AGBL4: variants seen among roughly 807,000 people sequenced by gnomAD.
The protein encoded by AGBL4 is cytosolic carboxypeptidase 6.
AGBL4 carries 58 observed loss-of-function variants against 66.4 expected under a neutral mutation model. That is an observed-to-expected ratio of 0.87 (90% CI 0.71 to 1.09). The LOEUF (loss-of-function observed/expected upper bound fraction) is 1.09. AGBL4 is among the 50% of genes least tolerant of loss of function. The pLI is 0.00. For missense variants in AGBL4, 579 were observed against 631.0 expected (o/e 0.92, Z 0.88); for synonymous variants, 234 against 222.9 (o/e 1.05, Z -0.44).
chr1:48,764,705 T>G (rs1237289432), intron 6 of AGBL4, among the ~76,000 whole-genome samples: 1 of 152,232 alleles, frequency 6.6e-6, no homozygotes, highest in Non-Finnish European at 1.5e-5. Flanking sequence ...AGGTGTGAGA[T>G]GTCAGGCAAG....
chr1:48,691,203 T>C (rs1260771382), intron 6 of AGBL4, among the ~76,000 whole-genome samples: 1 of 149,654 alleles, frequency 6.7e-6, no homozygotes, highest in African/African-American at 2.4e-5. Context: ...ATATATATAT[T>C]ACATATATAG....
chr1:48,707,888 A>T (rs1646905170), intron 6 of AGBL4, among the ~76,000 whole-genome samples: 1 of 152,118 alleles, frequency 6.6e-6, no homozygotes, highest in Non-Finnish European at 1.5e-5. Context: ...TGGCCCCTAT[A>T]AATATTTTAC....
intron 2 of AGBL4, among the ~76,000 whole-genome samples, chr1:49,825,140 TCTAA>T (rs1170625273): frequency 1.3e-5 from 2 of 152,234 alleles, no homozygotes; most frequent in African/African-American, 2.4e-5. Flanking sequence ...ACTGAATGGT[TCTAA>T]CTGACTCTAT....
intron 6 of AGBL4, 67 bp from the exon 7 acceptor site, chr1:48,663,308 T>C (rs770548039): frequency 4.3e-4 from 649 of 1,502,488 alleles, no homozygotes; most frequent in Non-Finnish European, 5.5e-4. Flanking sequence ...GGTTGGTGTG[T>C]GGCAGGGAAC....
At chr1:49,768,808 G>T (rs910901888) in intron 2 of AGBL4, among the ~76,000 whole-genome samples, 2 of 151,598 alleles carry the variant, frequency 1.3e-5, no homozygotes, top group East Asian at 3.9e-4. Flanking sequence ...AACTTAAAAG[G>T]AATATCAGTA....
intron 4 of AGBL4, among the ~76,000 whole-genome samples, chr1:49,098,444 G>T (rs1645146196): frequency 6.6e-6 from 1 of 152,236 alleles, no homozygotes; most frequent in Non-Finnish European, 1.5e-5. Context: ...AACAGCCTGA[G>T]ATATGAGAAG....
chr1:49,170,783 T>C (rs900322340), intron 4 of AGBL4, among the ~76,000 whole-genome samples: 24 of 152,026 alleles, frequency 1.6e-4, no homozygotes, highest in African/African-American at 5.1e-4. Flanking sequence ...TTATGGTAGT[T>C]ATCTATTTCT....
intron 3 of AGBL4, among the ~76,000 whole-genome samples, chr1:49,477,125 T>C (rs2148720676): frequency 6.6e-6 from 1 of 152,238 alleles, no homozygotes; most frequent in Admixed American, 6.5e-5. Context: ...TCTGGACCCA[T>C]GCAGGGCCTT....
intron 6 of AGBL4, among the ~76,000 whole-genome samples, chr1:48,801,911 T>A (rs200795416): frequency 5.9e-4 from 2 of 3,402 alleles, no homozygotes; most frequent in Non-Finnish European, 0.25. Context: ...CCATAATAAC[T>A]TTTTTTTTTT....
chr1:49,241,093 C>A (rs543838131), intron 4 of AGBL4, among the ~76,000 whole-genome samples: 160 of 152,170 alleles, frequency 1.1e-3, no homozygotes, highest in African/African-American at 3.7e-3. Context: ...CTGTTACCAA[C>A]CCAATCCATC....
chr1:48,832,840 ATCT>A (rs1646586654), intron 6 of AGBL4, among the ~76,000 whole-genome samples: 1 of 152,214 alleles, frequency 6.6e-6, no homozygotes, highest in South Asian at 2.1e-4. Flanking sequence ...AAGCTTACAC[ATCT>A]TCTCCTGTCC....
intron 1 of AGBL4, among the ~76,000 whole-genome samples, chr1:49,986,686 C>T (rs567308201): frequency 2.0e-5 from 3 of 152,158 alleles, no homozygotes; most frequent in Non-Finnish European, 4.4e-5. Context: ...AAATATTTTA[C>T]ACTAATTTCT....
intron 6 of AGBL4, among the ~76,000 whole-genome samples, chr1:48,715,326 T>G (rs1055907494): frequency 1.3e-5 from 2 of 152,186 alleles, no homozygotes; most frequent in African/African-American, 4.8e-5. Flanking sequence ...TCCCTGAGTG[T>G]CCCACATGGC....
chr1:49,934,847 G>C (rs1041571415), intron 1 of AGBL4, among the ~76,000 whole-genome samples: 1 of 151,538 alleles, frequency 6.6e-6, no homozygotes, highest in African/African-American at 2.4e-5. Context: ...AAATAGGAGA[G>C]GGCAGCCAAG....
chr1:49,199,884 A>G (rs1236695271), intron 4 of AGBL4, among the ~76,000 whole-genome samples: 1 of 152,126 alleles, frequency 6.6e-6, no homozygotes, highest in African/African-American at 2.4e-5. Flanking sequence ...ATAAACAGCT[A>G]TCTCAGTCTA....
intron 9 of AGBL4, among the ~76,000 whole-genome samples, chr1:48,596,559 C>A (rs1283565126): frequency 6.6e-6 from 1 of 152,038 alleles, no homozygotes; most frequent in Admixed American, 6.6e-5. Flanking sequence ...CCAAGCAAAT[C>A]AAATAAACAA....
At chr1:48,959,521 A>C (rs2148937746) in intron 5 of AGBL4, among the ~76,000 whole-genome samples, 1 of 152,314 alleles carries the variant, frequency 6.6e-6, no homozygotes, top group East Asian at 1.9e-4. Flanking sequence ...CAAAGGACAC[A>C]AAGGACCACA....
At chr1:49,131,339 T>A (rs1337925857) in intron 4 of AGBL4, among the ~76,000 whole-genome samples, 1 of 152,100 alleles carries the variant, frequency 6.6e-6, no homozygotes, top group African/African-American at 2.4e-5. Context: ...TATACATTTG[T>A]CAAAATTCGT....
chr1:49,831,746 T>G (rs536504133), intron 2 of AGBL4, among the ~76,000 whole-genome samples: 1 of 152,174 alleles, frequency 6.6e-6, no homozygotes, highest in Non-Finnish European at 1.5e-5. Flanking sequence ...GGCTGTGGGT[T>G]TGTCATAAAT....
Sources: allele counts gnomAD v4.1 joint callset (sites outside exome capture counted in the v4.1 genomes callset), GRCh38; gene constraint gnomAD v4.1.1; transcripts MANE v1.5; gene names NCBI Gene and HGNC (gene_info 2026-07-23, HGNC 2026-07-21).